Variants in RB1 observed in about 807,000 individuals in gnomAD.
The protein encoded by RB1 is retinoblastoma-associated protein.
A neutral mutation model predicts 135.4 loss-of-function variants in RB1; 18 were observed. The ratio of observed to expected loss-of-function variants is 0.13; its 90% CI spans 0.09 to 0.20. The LOEUF (loss-of-function observed/expected upper bound fraction) is 0.20, where lower values mean the gene tolerates loss of function less well. Ranked by LOEUF, RB1 falls within the 10% of genes least tolerant of loss-of-function variation. RB1 has a pLI of 1.00. For missense variants in RB1, 868 were observed against 1,110.0 expected (o/e 0.78, Z 3.10); for synonymous variants, 365 against 373.2 (o/e 0.98, Z 0.25).
intron 17 of RB1, chr13:48,412,349 G>A (rs369191907): frequency 6.2e-7 from 1 of 1,613,262 alleles, no homozygotes; most frequent in African/African-American, 1.3e-5. Flanking sequence ...CAAACACCAT[G>A]CTGAACATGC....
chr13:48,421,482 A>G (rs1330237915), intron 17 of RB1, among the ~76,000 whole-genome samples: 1 of 152,228 alleles, frequency 6.6e-6, no homozygotes, highest in Non-Finnish European at 1.5e-5. Context: ...CCAAAACACC[A>G]AAAGCAATGG....
Position 48,459,938 on chromosome 13 carries a change from TTTC to T in RB1, c.2106+108_2106+110del, listed in dbSNP as rs1482716468. ...CTTTCTTTCTTTCTTTCTTTCTTTC[TTTC>T]TTTCTTTCTTTTTCTTTCTTTCTTT... On this transcript the variant is annotated intron_variant, in intron 20 of 26. Transcript: ENST00000267163. 4,044 of 502,504 alleles carry T rather than the reference TTTC, an allele frequency of 8.0e-3. 212 individuals carry two copies. Among genetic ancestry groups the T allele is most frequent in the African/African-American group, 0.026 (743 of 28,968 alleles). The allele number at this position is 502,504 out of a possible 1,614,324, so 31.1% of individuals were successfully genotyped here. A position where few individuals can be genotyped will look rare whatever the true frequency, so the allele number is the denominator to read the frequency against.
chr13:48,335,659 T>C (rs1391721204), intron 2 of RB1, among the ~76,000 whole-genome samples: 1 of 152,112 alleles, frequency 6.6e-6, no homozygotes, highest in African/African-American at 2.4e-5. Flanking sequence ...TTTTGTTCTT[T>C]TTTTGGTGTG....
chr13:48,403,846 C>G (rs1012650433), intron 17 of RB1, among the ~76,000 whole-genome samples: 1 of 151,974 alleles, frequency 6.6e-6, no homozygotes, highest in East Asian at 1.9e-4. Context: ...TAAGGCCATG[C>G]CAGCCTATGA....
intron 17 of RB1, among the ~76,000 whole-genome samples, chr13:48,450,185 A>G (rs890543991): frequency 1.3e-5 from 2 of 151,452 alleles, no homozygotes; most frequent in African/African-American, 2.4e-5. Context: ...TGGTGTTTTC[A>G]TCATGAAATC....
Position 48,480,275 on chromosome 13 carries a change from G to T in RB1, c.*204G>T. The stretch of plus-strand genomic sequence containing the variant: ...TAGTCATTGTTATTTATACAAGATT[G>T]AAAATCTTGTGTAAATCCTGCCATT... On this transcript the variant is annotated 3_prime_UTR_variant, in exon 27 of 27. Transcript: ENST00000267163. 5.2e-6 allele frequency: 3 copies of T among 581,630 alleles called. No individual in the cohort carries two copies. The highest frequency in any genetic ancestry group is 9.3e-6 in the Non-Finnish European group (3 of 323,518). 36.0% of individuals were successfully genotyped at this position (581,630 alleles called of 1,614,324 possible).
chr13:48,362,170 ACTC>A (rs959383107), intron 7 of RB1, among the ~76,000 whole-genome samples: 1 of 150,712 alleles, frequency 6.6e-6, no homozygotes, highest in Non-Finnish European at 1.5e-5. Flanking sequence ...CTGGTCTTGA[ACTC>A]CTGACCTCAT....
At chr13:48,408,674 T>G (rs1948761244) in intron 17 of RB1, 1 of 152,170 alleles carries the variant, frequency 6.6e-6, no homozygotes, top group Non-Finnish European at 1.5e-5. Flanking sequence ...TGGTACACTT[T>G]TTTTCCATAG....
chr13:48,333,747 AAG>A (rs1306022909), intron 2 of RB1, among the ~76,000 whole-genome samples: 1 of 152,018 alleles, frequency 6.6e-6, no homozygotes, highest in Non-Finnish European at 1.5e-5. Flanking sequence ...AAAAAAAACA[AAG>A]AGAGAAAAAG....
intron 17 of RB1, chr13:48,429,556 G>A (rs536547851): frequency 6.6e-6 from 1 of 151,710 alleles, no homozygotes; most frequent in South Asian, 2.1e-4. Flanking sequence ...CCACATTATT[G>A]GTGTGGTTTA....
Position 48,367,544 on chromosome 13 carries a change from T to C in RB1, c.990T>C (p.Asp330=). The C allele has an allele frequency of 6.2e-7, 1 of 1,604,984 alleles. No individual in the cohort carries two copies. Among genetic ancestry groups the C allele is most frequent in the Non-Finnish European group, 8.5e-7 (1 of 1,174,486 alleles). The change falls in exon 10 of 27, where the codon GAT becomes GAC. Residue 330 remains aspartate, a synonymous_variant. Coordinates refer to ENST00000267163, the MANE Select transcript of RB1 (RefSeq NM_000321.3). ...RYEEIYLKNK[D]LDARLFLDHD... ...AAGAAATTTATCTTAAAAATAAAGA[T>C]CTAGATGCAAGATTATTTTTGGATC...
intron 17 of RB1, among the ~76,000 whole-genome samples, chr13:48,429,769 G>A (rs2138273292): frequency 6.6e-6 from 1 of 152,168 alleles, no homozygotes; most frequent in South Asian, 2.1e-4. Flanking sequence ...TGTACCAGCA[G>A]TAATCAACTG....
At chr13:48,378,163 A>G (rs1952846003) in intron 13 of RB1, among the ~76,000 whole-genome samples, 2 of 152,168 alleles carry the variant, frequency 1.3e-5, no homozygotes, top group African/African-American at 4.8e-5. Context: ...CTAATTTCAT[A>G]AACATTTTTT....
chr13:48,480,927 A>G lies in RB1; in HGVS notation c.*856A>G, dbSNP rs941933291. 1.3e-5 allele frequency: 3 copies of G among 229,182 alleles called. No individual in the cohort carries two copies. Among genetic ancestry groups the G allele is most frequent in the Non-Finnish European group, 2.6e-5 (3 of 115,284 alleles). The allele number at this position is 229,182 out of a possible 1,614,324, so 14.2% of individuals were successfully genotyped here. A position where few individuals can be genotyped will look rare whatever the true frequency, so the allele number is the denominator to read the frequency against. ...GTGTTCTGCCAGATCTTAGGTATAG[A>G]GGACCCTAACACAGTATATCCCAAG... On this transcript the variant is annotated 3_prime_UTR_variant, in exon 27 of 27. Coordinates refer to ENST00000267163, the MANE Select transcript of RB1 (RefSeq NM_000321.3).
chr13:48,307,666 G>T (rs1163360603), intron 2 of RB1, among the ~76,000 whole-genome samples: 2 of 142,966 alleles, frequency 1.4e-5, no homozygotes, highest in Non-Finnish European at 3.1e-5. Flanking sequence ...ACCAGCCTGG[G>T]CAACATGGTG....
intron 2 of RB1, among the ~76,000 whole-genome samples, chr13:48,311,604 G>C (rs1863441907): frequency 6.6e-6 from 1 of 152,140 alleles, no homozygotes; most frequent in Non-Finnish European, 1.5e-5. Context: ...TATCCTTACT[G>C]ATTTTCTTTC....
Position 48,459,934 on chromosome 13 carries a change from TTTC to T in RB1, c.2106+104_2106+106del, listed in dbSNP as rs1566235767. 2,553 of 499,826 alleles carry T rather than the reference TTTC, an allele frequency of 5.1e-3. 73 individuals are homozygous for T. The highest frequency in any genetic ancestry group is 6.3e-3 in the Non-Finnish European group (1,887 of 299,146). The allele number at this position is 499,826 out of a possible 1,614,324, so 31.0% of individuals were successfully genotyped here. A position where few individuals can be genotyped will look rare whatever the true frequency, so the allele number is the denominator to read the frequency against. On this transcript the variant is annotated intron_variant, in intron 20 of 26. Coordinates refer to ENST00000267163, the MANE Select transcript of RB1 (RefSeq NM_000321.3). ...CTTTCTTTCTTTCTTTCTTTCTTTC[TTTC>T]TTTCTTTCTTTCTTTTTCTTTCTTT...
At chr13:48,448,543 T>C (rs1026418880) in intron 17 of RB1, among the ~76,000 whole-genome samples, 5 of 152,222 alleles carry the variant, frequency 3.3e-5, no homozygotes, top group Admixed American at 3.3e-4. Flanking sequence ...TGTTAAACTT[T>C]TGCAGTGATA....
At chr13:48,479,634 T>C (rs1949525352) in intron 26 of RB1, among the ~76,000 whole-genome samples, 2 of 152,174 alleles carry the variant, frequency 1.3e-5, no homozygotes, top group Admixed American at 1.3e-4. Flanking sequence ...GACCACTGTT[T>C]TTTTGGGGGG....
Sources: allele counts gnomAD v4.1 joint callset (sites outside exome capture counted in the v4.1 genomes callset), GRCh38; gene constraint gnomAD v4.1.1; transcripts MANE v1.5; gene names NCBI Gene and HGNC (gene_info 2026-07-23, HGNC 2026-07-21).